Variants in PHF21A observed in about 807,000 individuals in gnomAD.
The protein encoded by PHF21A is PHD finger protein 21A.
PHF21A carries 11 observed loss-of-function variants against 82.5 expected under a neutral mutation model. The ratio of observed to expected loss-of-function variants is 0.13; its 90% CI spans 0.08 to 0.22. The LOEUF (loss-of-function observed/expected upper bound fraction) is 0.22. Among genes scored for constraint, PHF21A ranks in the 10% least tolerant of loss-of-function variants. The pLI, the probability that PHF21A is intolerant of heterozygous loss-of-function variation, is 1.00. For missense variants in PHF21A, 579 were observed against 837.8 expected (o/e 0.69, Z 3.81); for synonymous variants, 297 against 302.8 (o/e 0.98, Z 0.20).
At chr11:45,978,095 T>C (rs2094124144) in intron 7 of PHF21A, among the ~76,000 whole-genome samples, 1 of 151,788 alleles carries the variant, frequency 6.6e-6, no homozygotes, top group Admixed American at 6.6e-5. Flanking sequence ...AGGTCAGGAG[T>C]TCGAGACCAG....
intron 6 of PHF21A, among the ~76,000 whole-genome samples, chr11:46,045,792 C>T (rs933508951): frequency 2.0e-5 from 3 of 152,132 alleles, no homozygotes; most frequent in Non-Finnish European, 2.9e-5. Flanking sequence ...CCCCTTTCTG[C>T]TCCAAGACCC....
intron 6 of PHF21A, among the ~76,000 whole-genome samples, chr11:46,004,851 A>G (rs566580331): frequency 2.0e-5 from 3 of 152,286 alleles, no homozygotes; most frequent in South Asian, 4.1e-4. Flanking sequence ...TTCACTACAC[A>G]CATACTTACA....
chr11:45,953,746 A>T, intron 10 of PHF21A, 121 bp from the exon 11 acceptor site: 1 of 659,178 alleles, frequency 1.5e-6, no homozygotes, highest in South Asian at 1.8e-5. Context: ...TGTGGAACAT[A>T]TTAATAAAAA....
chr11:46,099,566 TAAACAC>T (rs1235816115), intron 1 of PHF21A, among the ~76,000 whole-genome samples: 1 of 67,998 alleles, frequency 1.5e-5, no homozygotes, highest in Non-Finnish European at 3.6e-5. Context: ...ACACACACCC[TAAACAC>T]AAACACAAAC....
At chr11:46,105,638 AAT>A (rs1353394424) in intron 1 of PHF21A, among the ~76,000 whole-genome samples, 1 of 152,244 alleles carries the variant, frequency 6.6e-6, no homozygotes, top group East Asian at 1.9e-4. Flanking sequence ...AAAAGGAATG[AAT>A]GAGTCTAAGC....
chr11:45,940,168 A>T (rs2090061883), intron 15 of PHF21A, among the ~76,000 whole-genome samples: 1 of 151,942 alleles, frequency 6.6e-6, no homozygotes, highest in South Asian at 2.1e-4. Context: ...TTTAAGATAC[A>T]TCATAGTGTG....
At chr11:45,969,422 T>C (rs2093635006) in intron 9 of PHF21A, among the ~76,000 whole-genome samples, 1 of 152,192 alleles carries the variant, frequency 6.6e-6, no homozygotes, top group Admixed American at 6.5e-5. Context: ...TGAAGAATAG[T>C]TTCTACTAGT....
At chr11:45,935,927 A>G (rs4756042) in intron 17 of PHF21A, among the ~76,000 whole-genome samples, 188 bp from the exon 18 acceptor site, 133,856 of 152,096 alleles carry the variant, frequency 0.88, 59,123 homozygotes, top group East Asian at 1. Flanking sequence ...TAAAACTGTC[A>G]GTGGCTTGGG....
intron 6 of PHF21A, among the ~76,000 whole-genome samples, chr11:46,043,059 T>C (rs1323775341): frequency 6.6e-6 from 1 of 152,158 alleles, no homozygotes; most frequent in Non-Finnish European, 1.5e-5. Context: ...CCTACTGTCC[T>C]ACCCCTCCTT....
rs904801187 is a variant in PHF21A at position 46,050,707 on chromosome 11, TGGA to T, written c.153+26044_153+26046del. Among the ~76,000 whole-genome samples, 8 of 152,326 alleles carry T rather than the reference TGGA, an allele frequency of 5.3e-5. 1 individual carries two copies. Among genetic ancestry groups the T allele is most frequent in the African/African-American group, 1.9e-4 (8 of 41,566 alleles). On this transcript the variant is annotated intron_variant, in intron 6 of 18. Transcript: ENST00000676320. ...ACAATTTTTAATTACTTCAATTTGATGGAGAAGAGAAAGAATGGGAATTAATAA... is the reference window on the plus strand; with the variant it reads ...ACAATTTTTAATTACTTCAATTTGATGAAGAGAAAGAATGGGAATTAATAA...
intron 17 of PHF21A, 97 bp downstream of exon 17, chr11:45,936,397 A>T: frequency 1.3e-6 from 1 of 758,638 alleles, no homozygotes; most frequent in Non-Finnish European, 2.2e-6. Context: ...TTTCATTTTT[A>T]AATTTAAATT....
chr11:46,004,646 A>AT (rs1480385153), intron 6 of PHF21A, among the ~76,000 whole-genome samples: 1 of 152,130 alleles, frequency 6.6e-6, no homozygotes. Context: ...ACTTTTCTTC[A>AT]TATTGGTTTG....
rs557734278 is a variant in PHF21A, at chr11:46,087,041, T to C, written c.-83-2739A>G. Among the ~76,000 whole-genome samples, 5 of 152,344 alleles carry C rather than the reference T, an allele frequency of 3.3e-5. No homozygotes were observed. In the South Asian group the frequency reaches 1.0e-3, roughly 32 times the overall value. ...GAAGACCTATAAGATAATAATACTC[T>C]GAGCTGTCTAGAATTTGTGTCAGGT... On this transcript the variant is annotated intron_variant, in intron 3 of 18. Coordinates refer to ENST00000676320, the MANE Select transcript of PHF21A (RefSeq NM_001352027.3).
chr11:46,001,411 T>C (rs2095126551), intron 6 of PHF21A, among the ~76,000 whole-genome samples: 1 of 151,466 alleles, frequency 6.6e-6, no homozygotes, highest in Non-Finnish European at 1.5e-5. Flanking sequence ...CCAATGCACC[T>C]GTAGATTCTA....
intron 4 of PHF21A, chr11:46,083,755 T>C (rs72904397): frequency 0.013 from 1,961 of 153,000 alleles, 21 homozygotes; most frequent in Non-Finnish European, 0.02. Flanking sequence ...TTCTTTAAGA[T>C]TGGAATCAAC....
intron 8 of PHF21A, 37 bp downstream of exon 8, chr11:45,971,079 T>C (rs1436603912): frequency 6.2e-7 from 1 of 1,610,456 alleles, no homozygotes; most frequent in Non-Finnish European, 8.5e-7. Context: ...CCTAACCTTC[T>C]CATGTGATCA....
At chr11:46,102,936 G>C (rs1433918513) in intron 1 of PHF21A, among the ~76,000 whole-genome samples, 1 of 152,192 alleles carries the variant, frequency 6.6e-6, no homozygotes, top group Non-Finnish European at 1.5e-5. Context: ...GGCTTGAAGG[G>C]AAGGATGAAT....
intron 10 of PHF21A, among the ~76,000 whole-genome samples, chr11:45,959,862 C>T (rs138748109): frequency 1.3e-5 from 2 of 152,172 alleles, no homozygotes; most frequent in African/African-American, 4.8e-5. Flanking sequence ...GAAAAATAAC[C>T]CAATTTAAAA....
chr11:46,082,844 A>G (rs1476173788), intron 4 of PHF21A, among the ~76,000 whole-genome samples: 2 of 152,206 alleles, frequency 1.3e-5, no homozygotes, highest in African/African-American at 4.8e-5. Context: ...GGATTTGCTC[A>G]TATCTTGTGA....
Sources: allele counts gnomAD v4.1 joint callset (sites outside exome capture counted in the v4.1 genomes callset), GRCh38; gene constraint gnomAD v4.1.1; transcripts MANE v1.5; gene names NCBI Gene and HGNC (gene_info 2026-07-23, HGNC 2026-07-21).